Variants in TSPYL1 observed in about 807,000 individuals in gnomAD.
TSPYL1 encodes the protein TSPY like 1.
Under a neutral mutation model 20.1 loss-of-function variants are expected in TSPYL1, and 16 were observed. The observed-to-expected ratio is 0.80, with a 90% CI of 0.54 to 1.21. TSPYL1 has a LOEUF of 1.21. TSPYL1 is among the 50% of genes most tolerant of loss of function. TSPYL1 has a pLI of 0.00. For synonymous variants in TSPYL1, 259 were observed against 227.1 expected (o/e 1.14, Z -1.26); for missense variants, 560 against 569.3 (o/e 0.98, Z 0.17).
In TSPYL1 at chr6:116,279,459, G is replaced by C. The variant is rs775290933; in HGVS notation, c.372C>G (p.Gly124=). 1 of 1,613,086 alleles carries C rather than the reference G, an allele frequency of 6.2e-7. No individual in the cohort carries two copies. The highest frequency in any genetic ancestry group is 1.1e-5 in the South Asian group (1 of 91,086). ...CTAGGGCCTTCTCTCCACCCTGAACGCCCTTTTTCAGGCTGCGGTCGGCTG... is the reference window on the plus strand; with the variant it reads ...CTAGGGCCTTCTCTCCACCCTGAACCCCCTTTTTCAGGCTGCGGTCGGCTG... ...VMAADRSLKK[G]VQGGEKALEI... Residue 124 remains glycine (G), a synonymous_variant, in exon 1 of 1, where the codon GGC becomes GGG. Coordinates refer to ENST00000368608, the MANE Select transcript of TSPYL1 (RefSeq NM_003309.4).
Position 116,279,682 on chromosome 6 carries a change from C to A in TSPYL1, c.149G>T (p.Gly50Val), listed in dbSNP as rs200419841. 23 of 1,609,576 alleles carry A rather than the reference C, an allele frequency of 1.4e-5. No individual in the cohort carries two copies. In the South Asian group the frequency reaches 2.5e-4, roughly 18 times the overall value. ...CGCGACGGTCTCCGAGCCTCCCTCACCCGGCTCCGCCATCACCTGTGTCGC... is the reference window on the plus strand; with the variant it reads ...CGCGACGGTCTCCGAGCCTCCCTCAACCGGCTCCGCCATCACCTGTGTCGC... ...SEATQVMAEP[G>V]EGGSETVALP... Residue 50 changes from glycine to valine, a missense_variant, in exon 1 of 1, where the codon GGT becomes GTT. Physicochemically the swap from Gly to Val is moderately radical, Grantham distance 109. Coordinates refer to ENST00000368608, the MANE Select transcript of TSPYL1 (RefSeq NM_003309.4).
Position 116,279,827 on chromosome 6 carries a change from T to G in TSPYL1, c.4A>C (p.Ser2Arg), listed in dbSNP as rs1415795539. The G allele has an allele frequency of 6.2e-7, 1 of 1,612,932 alleles. No homozygotes were observed. The highest frequency in any genetic ancestry group is 1.3e-5 in the African/African-American group (1 of 74,922). The change falls in exon 1 of 1, where the codon AGC becomes CGC. Residue 2 changes from serine (S) to arginine (R), a missense_variant. By Grantham distance (110) the Ser-to-Arg change is moderately radical (BLOSUM62 -1). Transcript: ENST00000368608. ...GTCCTCTTGACCCCATCCAGGCCGCTCATGTTGCTAACAGTCGGACCAACC... is the reference window on the plus strand; with the variant it reads ...GTCCTCTTGACCCCATCCAGGCCGCGCATGTTGCTAACAGTCGGACCAACC... M[S>R]GLDGVKRTTP...
chr6:116,275,609 G>C lies in TSPYL1; in HGVS notation c.*2908C>G, dbSNP rs1773097877. ...AGGTCAGGAGATGGAGACCATCCTG[G>C]CTAACATGGTGAAACCCCATCTCTA... On this transcript the variant is annotated 3_prime_UTR_variant, in exon 1 of 1. Transcript: ENST00000368608. 6.6e-6 allele frequency among the ~76,000 whole-genome samples: 1 copy of C among 152,096 alleles called. No individual in the cohort carries two copies. Among genetic ancestry groups the C allele is most frequent in the African/African-American group, 2.4e-5 (1 of 41,430 alleles).
In TSPYL1 at chr6:116,279,337, G is replaced by T; in HGVS notation, c.494C>A (p.Ala165Glu). 1 of 1,611,044 alleles carries T rather than the reference G, an allele frequency of 6.2e-7. No individual in the cohort carries two copies. Residue 165 changes from alanine to glutamate, a missense_variant, in exon 1 of 1, where the codon GCA (alanine) becomes GAA (glutamate). By Grantham distance (107) the Ala-to-Glu change is moderately radical (BLOSUM62 -1). Transcript: ENST00000368608. ...AGCGCTCTCCCTCTCAGCCACGGCT[G>T]CTGAGACGGTGGCGCACTTTCCTGT... The part of the protein sequence containing the change: ...VKTGKCATVS[A>E]AVAERESAEV...
rs1428904841 is a variant in TSPYL1, at chr6:116,278,862, G to A, written c.969C>T (p.Phe323=). ...RHPRTGCKFK[F]FFRRNPYFRN... ...TGAAGTAGGGGTTTCTTCTAAAGAAGAACTTGAACTTGCAACCGGTTCTAG... is the reference window on the plus strand; with the variant it reads ...TGAAGTAGGGGTTTCTTCTAAAGAAAAACTTGAACTTGCAACCGGTTCTAG... The change falls in exon 1 of 1, where the codon TTC becomes TTT. Residue 323 remains phenylalanine, a synonymous_variant. Transcript: ENST00000368608. 1 of 1,614,168 alleles carries A rather than the reference G, an allele frequency of 6.2e-7. No individual in the cohort carries two copies. Among genetic ancestry groups the A allele is most frequent in the Non-Finnish European group, 8.5e-7 (1 of 1,180,032 alleles).
In TSPYL1 at chr6:116,279,848, C is replaced by T; in HGVS notation, c.-18G>A. On this transcript the variant is annotated 5_prime_UTR_variant, in exon 1 of 1. Transcript: ENST00000368608. ...CCGCTCATGTTGCTAACAGTCGGAC[C>T]AACCGCAGGCGAACGCCCGTTTTCC... 1 of 1,613,060 alleles carries T rather than the reference C, an allele frequency of 6.2e-7. No homozygotes were observed. Among genetic ancestry groups the T allele is most frequent in the Non-Finnish European group, 8.5e-7 (1 of 1,180,028 alleles).
At position 116,278,954 on chromosome 6, in the gene TSPYL1, T is replaced by C. The variant is rs1320567756; in HGVS notation, c.877A>G (p.Ile293Val). 3.1e-6 allele frequency: 5 copies of C among 1,614,110 alleles called. No homozygotes were observed. Among genetic ancestry groups the C allele is most frequent in the Admixed American group, 3.3e-5 (2 of 60,012 alleles). ...FRNHPQLSAMIRGQDAEMLRY... is the reference protein window; with the variant it reads ...FRNHPQLSAMVRGQDAEMLRY... ...AACATCTCTGCATCTTGGCCCCTAA[T>C]CATGGCGGACAACTGGGGGTGGTTT... is the stretch of plus-strand genomic sequence containing the variant. The change falls in exon 1 of 1, where the codon ATT (isoleucine) becomes GTT (valine). Residue 293 changes from isoleucine (I) to valine (V), a missense_variant. Physicochemically the swap from Ile to Val is conservative, Grantham distance 29. Coordinates refer to ENST00000368608, the MANE Select transcript of TSPYL1 (RefSeq NM_003309.4).
chr6:116,278,456 A>G lies in TSPYL1; in HGVS notation c.*61T>C, dbSNP rs532902666. On this transcript the variant is annotated 3_prime_UTR_variant, in exon 1 of 1. Transcript: ENST00000368608. ...AAGGCATACTCATTGCTGATGCCCA[A>G]GCACAGGTCCAGCAGAAGGTGGTAG... 1.4e-4 allele frequency: 229 copies of G among 1,609,558 alleles called. No homozygotes were observed. The African/African-American group carries it at 2.8e-3, about 20-fold the overall frequency.
rs919629322 is a variant in TSPYL1, at chr6:116,277,232, C to A, written c.*1285G>T. 1 of 152,646 alleles carries A rather than the reference C, an allele frequency of 6.6e-6. No individual in the cohort carries two copies. The highest frequency in any genetic ancestry group is 2.4e-5 in the African/African-American group (1 of 41,458). 9.5% of individuals were successfully genotyped at this position (152,646 alleles called of 1,614,324 possible). ...ACAAGTAAGAAAGCATTCAAAGTTG[C>A]GCTGTCTTTCTTTAAAGAACCCTTG... On this transcript the variant is annotated 3_prime_UTR_variant, in exon 1 of 1. Transcript: ENST00000368608.
chr6:116,279,872 C>A lies in TSPYL1; in HGVS notation c.-42G>T. 2 of 1,612,984 alleles carry A rather than the reference C, an allele frequency of 1.2e-6. No homozygotes were observed. The highest frequency in any genetic ancestry group is 1.7e-6 in the Non-Finnish European group (2 of 1,179,970). ...CCAACCGCAGGCGAACGCCCGTTTT[C>A]CTCAGAGGCCGAACTGGGAGCTAAC... On this transcript the variant is annotated 5_prime_UTR_variant, in exon 1 of 1. Coordinates refer to ENST00000368608, the MANE Select transcript of TSPYL1 (RefSeq NM_003309.4).
chr6:116,277,091 T>C lies in TSPYL1; in HGVS notation c.*1426A>G, dbSNP rs1773176783. 1 of 152,498 alleles carries C rather than the reference T, an allele frequency of 6.6e-6. No homozygotes were observed. The highest frequency in any genetic ancestry group is 1.9e-4 in the East Asian group (1 of 5,184). The allele number at this position is 152,498 out of a possible 1,614,324, so 9.4% of individuals were successfully genotyped here. On this transcript the variant is annotated 3_prime_UTR_variant, in exon 1 of 1. Coordinates refer to ENST00000368608, the MANE Select transcript of TSPYL1 (RefSeq NM_003309.4). Reference sequence around the variant, plus strand: ...CTGTTGTTCTTCCAAATGTTCCCAATTGAAATCAAAAGAATATCTGTACAG... The same window carrying C: ...CTGTTGTTCTTCCAAATGTTCCCAACTGAAATCAAAAGAATATCTGTACAG...
In TSPYL1 at chr6:116,279,657, C is replaced by T; in HGVS notation, c.174G>A (p.Ala58=). ...EPGEGGSETV[A]LPPPPPSEEG... ...CCTCTGAAGGCGGTGGAGGCGGGAG[C>T]GCGACGGTCTCCGAGCCTCCCTCAC... is the stretch of plus-strand genomic sequence containing the variant. The change falls in exon 1 of 1, where the codon GCG becomes GCA. Residue 58 remains alanine, a synonymous_variant. Transcript: ENST00000368608. 6.2e-7 allele frequency: 1 copy of T among 1,606,374 alleles called. No individual in the cohort carries two copies. Among genetic ancestry groups the T allele is most frequent in the Non-Finnish European group, 8.5e-7 (1 of 1,179,914 alleles).
Position 116,278,455 on chromosome 6 carries a change from A to C in TSPYL1, c.*62T>G, listed in dbSNP as rs762365421. On this transcript the variant is annotated 3_prime_UTR_variant, in exon 1 of 1. Transcript: ENST00000368608. ...GAAGGCATACTCATTGCTGATGCCC[A>C]AGCACAGGTCCAGCAGAAGGTGGTA... The C allele has an allele frequency of 3.7e-6, 6 of 1,609,204 alleles. No individual in the cohort carries two copies. The highest frequency in any genetic ancestry group is 3.4e-6 in the Non-Finnish European group (4 of 1,177,088).
Position 116,278,856 on chromosome 6 carries a change from A to T in TSPYL1, c.975T>A (p.Phe325Leu). ...TGTTTCTGAAGTAGGGGTTTCTTCTAAAGAAGAACTTGAACTTGCAACCGG... is the reference window on the plus strand; with the variant it reads ...TGTTTCTGAAGTAGGGGTTTCTTCTTAAGAAGAACTTGAACTTGCAACCGG... ...PRTGCKFKFF[F>L]RRNPYFRNKL... The change falls in exon 1 of 1, where the codon TTT (phenylalanine) becomes TTA (leucine). Residue 325 changes from phenylalanine to leucine, a missense_variant. By Grantham distance (22) the Phe-to-Leu change is conservative. Coordinates refer to ENST00000368608, the MANE Select transcript of TSPYL1 (RefSeq NM_003309.4). 6.2e-7 allele frequency: 1 copy of T among 1,614,104 alleles called. No individual in the cohort carries two copies. Among genetic ancestry groups the T allele is most frequent in the Non-Finnish European group, 8.5e-7 (1 of 1,179,996 alleles).
rs928784250 is a variant in TSPYL1 at position 116,279,046 on chromosome 6, C to G, written c.785G>C (p.Arg262Pro). Residue 262 changes from arginine (R) to proline (P), a missense_variant, in exon 1 of 1, where the codon CGA becomes CCA. Physicochemically the swap from Arg to Pro is moderately radical, Grantham distance 103. Transcript: ENST00000368608. Reference protein sequence around the residue: ...QLEHKFGRMRRHYLERRNYII... With the variant: ...QLEHKFGRMRPHYLERRNYII... ...GTAGTTCCTCCGCTCCAGGTAGTGTCGACGCATCCGCCCAAACTTGTGCTC... is the reference window on the plus strand; with the variant it reads ...GTAGTTCCTCCGCTCCAGGTAGTGTGGACGCATCCGCCCAAACTTGTGCTC... 1 of 1,613,244 alleles carries G rather than the reference C, an allele frequency of 6.2e-7. No individual in the cohort carries two copies. The highest frequency in any genetic ancestry group is 8.5e-7 in the Non-Finnish European group (1 of 1,179,392).
In TSPYL1 at chr6:116,277,326, A is replaced by AT. The variant is rs1773192869; in HGVS notation, c.*1190dup. 6.6e-6 allele frequency: 1 copy of AT among 152,586 alleles called. No individual in the cohort carries two copies. Among genetic ancestry groups the AT allele is most frequent in the Admixed American group, 6.5e-5 (1 of 15,278 alleles). The allele number at this position is 152,586 out of a possible 1,614,324, so 9.5% of individuals were successfully genotyped here. A position where few individuals can be genotyped will look rare whatever the true frequency, so the allele number is the denominator to read the frequency against. Reference sequence around the variant, plus strand: ...GAAAAGTATTTTTCCATTCATCATCATTGGGGAGTAAGTACTCCTTCCTCG... The same window carrying AT: ...GAAAAGTATTTTTCCATTCATCATCATTTGGGGAGTAAGTACTCCTTCCTCG... On this transcript the variant is annotated 3_prime_UTR_variant, in exon 1 of 1. Transcript: ENST00000368608.
In TSPYL1 at chr6:116,278,470, AGAAGGTG is replaced by A; in HGVS notation, c.*40_*46del. ...GCTGATGCCCAAGCACAGGTCCAGC[AGAAGGTG>A]GTAGGAGACCTTGTGCAGGAGTATT... On this transcript the variant is annotated 3_prime_UTR_variant, in exon 1 of 1. Coordinates refer to ENST00000368608, the MANE Select transcript of TSPYL1 (RefSeq NM_003309.4). 6.2e-7 allele frequency: 1 copy of A among 1,612,332 alleles called. No individual in the cohort carries two copies. Among genetic ancestry groups the A allele is most frequent in the Non-Finnish European group, 8.5e-7 (1 of 1,179,536 alleles).
Position 116,279,608 on chromosome 6 carries a change from C to A in TSPYL1, c.223G>T (p.Ala75Ser), listed in dbSNP as rs936290245. Residue 75 changes from alanine to serine, a missense_variant, in exon 1 of 1, where the codon GCG becomes TCG. Transcript: ENST00000368608. ...ATCTGGGGAGTACCGCCACGGCCCG[C>A]GGCATCCTGGGGTACGCCCCCCTCC... ...SEEGGVPQDA[A>S]GRGGTPQIRV... The A allele has an allele frequency of 6.2e-7, 1 of 1,602,460 alleles. No homozygotes were observed.
chr6:116,279,899 G>A lies in TSPYL1; in HGVS notation c.-69C>T, dbSNP rs1467845355. 5.6e-6 allele frequency: 9 copies of A among 1,603,508 alleles called. No homozygotes were observed. Among genetic ancestry groups the A allele is most frequent in the Admixed American group, 5.0e-5 (3 of 59,986 alleles). ...TCAGAGGCCGAACTGGGAGCTAACC[G>A]CCGCTCGCACCGCCCACCCTACAGT... On this transcript the variant is annotated 5_prime_UTR_variant, in exon 1 of 1. Transcript: ENST00000368608.
Sources: allele counts gnomAD v4.1 joint callset (sites outside exome capture counted in the v4.1 genomes callset), GRCh38; gene constraint gnomAD v4.1.1; transcripts MANE v1.5; gene names NCBI Gene and HGNC (gene_info 2026-07-23, HGNC 2026-07-21).